AHCY: variants seen among roughly 807,000 people sequenced by gnomAD.
The protein encoded by AHCY is adenosylhomocysteinase, also known as S-adenosyl-L-homocysteine hydrolase.
AHCY carries 24 observed loss-of-function variants against 45.4 expected under a neutral mutation model. The observed-to-expected ratio is 0.53, with a 90% CI of 0.38 to 0.74. AHCY has a LOEUF of 0.74. Among genes scored for constraint, AHCY ranks in the 30% least tolerant of loss-of-function variants. The pLI is 0.00. For synonymous variants in AHCY, 245 were observed against 235.1 expected (o/e 1.04, Z -0.39); for missense variants, 449 against 594.1 (o/e 0.76, Z 2.54).
the AHCY span, among the ~76,000 whole-genome samples, chr20:34,270,577 G>A: frequency 2.6e-5 from 4 of 152,332 alleles, no homozygotes; most frequent in Admixed American, 6.5e-5. Context: ...AGACTCAGTC[G>A]ATTAGTAACA....
At chr20:34,288,999 T>A (rs2122748275) in intron 8 of AHCY, among the ~76,000 whole-genome samples, 1 of 152,218 alleles carries the variant, frequency 6.6e-6, no homozygotes, top group Non-Finnish European at 1.5e-5. Context: ...CCCTTTTTGT[T>A]TTTTGTTTTT....
chr20:34,263,429 G>A, the AHCY span, among the ~76,000 whole-genome samples: 1 of 152,006 alleles, frequency 6.6e-6, no homozygotes, highest in African/African-American at 2.4e-5. Flanking sequence ...GCCAGGCGTG[G>A]TGGTGGGCGC....
intron 3 of AHCY, 115 bp downstream of exon 3, chr20:34,293,966 G>T (rs566011101): frequency 9.5e-7 from 1 of 1,051,452 alleles, no homozygotes. Flanking sequence ...ATTTTGTGGC[G>T]GTGACTCCTC....
chr20:34,296,553 G>A (rs1227053613), intron 1 of AHCY, among the ~76,000 whole-genome samples: 2 of 152,140 alleles, frequency 1.3e-5, no homozygotes, highest in South Asian at 4.1e-4. Flanking sequence ...TTCTCAGGCA[G>A]GAAAGAAGGA....
chr20:34,303,225 G>C lies in AHCY; in HGVS notation c.28+18C>G, dbSNP rs890983686. 11 of 1,551,316 alleles carry C rather than the reference G, an allele frequency of 7.1e-6. No individual in the cohort carries two copies. Among genetic ancestry groups the C allele is most frequent in the Non-Finnish European group, 8.7e-6 (10 of 1,146,850 alleles). On this transcript the variant is annotated intron_variant, in intron 1 of 9. Transcript: ENST00000217426. ...GGGTGCCGGGCGGCCGCAACCGGCT[G>C]CAGGTCCTGGGACTCACCGACTTTG... is the stretch of plus-strand genomic sequence containing the variant.
chr20:34,295,522 C>G lies in AHCY; in HGVS notation c.92G>C (p.Gly31Ala). The change falls in exon 2 of 10, where the codon GGC becomes GCC. Residue 31 changes from glycine to alanine, a missense_variant. Transcript: ENST00000217426. Reference protein sequence around the residue: ...ALDIAENEMPGLMRMRERYSA... With the variant: ...ALDIAENEMPALMRMRERYSA... ...GTACCGCTCCCGCATACGCATCAGGCCCGGCATCTCGTTCTCAGCAATGTC... is the reference window on the plus strand; with the variant it reads ...GTACCGCTCCCGCATACGCATCAGGGCCGGCATCTCGTTCTCAGCAATGTC... 1 of 1,614,132 alleles carries G rather than the reference C, an allele frequency of 6.2e-7. No homozygotes were observed. The highest frequency in any genetic ancestry group is 8.5e-7 in the Non-Finnish European group (1 of 1,180,022).
the AHCY span, among the ~76,000 whole-genome samples, chr20:34,262,472 TC>T: frequency 2.0e-5 from 3 of 152,128 alleles, no homozygotes; most frequent in Non-Finnish European, 4.4e-5. Flanking sequence ...ATCACAATGT[TC>T]CTGTGCCTGC....
chr20:34,258,844 T>C, the AHCY span, among the ~76,000 whole-genome samples: 3 of 122,656 alleles, frequency 2.4e-5, no homozygotes, highest in Non-Finnish European at 5.0e-5. Context: ...ATATATATAG[T>C]GTATATATAA....
chr20:34,281,489 T>C (rs17091698), intron 9 of AHCY: 19,320 of 384,024 alleles, frequency 0.05, 3,408 homozygotes, highest in African/African-American at 0.37. Context: ...ATATTTTCCA[T>C]GACAGGCAGA....
chr20:34,285,740 C>T (rs572000535), intron 8 of AHCY, 106 bp from the exon 9 acceptor site: 20 of 1,234,372 alleles, frequency 1.6e-5, no homozygotes, highest in Admixed American at 1.5e-4. Context: ...ATGAGGAGTC[C>T]GAACTGCTCC....
chr20:34,298,292 A>C (rs2036638589), intron 1 of AHCY, among the ~76,000 whole-genome samples: 1 of 152,190 alleles, frequency 6.6e-6, no homozygotes, highest in South Asian at 2.1e-4. Context: ...ATTATATATG[A>C]ATATCATTAA....
At chr20:34,257,332 G>A in the AHCY span, among the ~76,000 whole-genome samples, 2 of 151,940 alleles carry the variant, frequency 1.3e-5, no homozygotes, top group South Asian at 2.1e-4. Flanking sequence ...TGATCCATTC[G>A]CTTCAGCCTC....
intron 2 of AHCY, 85 bp from the exon 3 acceptor site, chr20:34,294,241 G>C: frequency 1.6e-6 from 2 of 1,236,516 alleles, no homozygotes; most frequent in South Asian, 1.3e-5. Context: ...GGAGAGCTTC[G>C]GGTAGTGGGG....
At chr20:34,287,697 G>C (rs1025696929) in intron 8 of AHCY, among the ~76,000 whole-genome samples, 1 of 151,992 alleles carries the variant, frequency 6.6e-6, no homozygotes, top group Non-Finnish European at 1.5e-5. Context: ...TGGCCAGAAG[G>C]GGGTCTCTTG....
chr20:34,260,118 G>A, the AHCY span, among the ~76,000 whole-genome samples: 1 of 151,316 alleles, frequency 6.6e-6, no homozygotes, highest in South Asian at 2.1e-4. Context: ...GCAATGCATT[G>A]CTTTTTCTCT....
the AHCY span, among the ~76,000 whole-genome samples, chr20:34,268,424 A>G: frequency 6.6e-6 from 1 of 152,178 alleles, no homozygotes; most frequent in Non-Finnish European, 1.5e-5. Context: ...AAGTTCAAAG[A>G]GAAACCACTT....
the AHCY span, among the ~76,000 whole-genome samples, chr20:34,247,473 G>T: frequency 6.6e-6 from 1 of 151,446 alleles, no homozygotes; most frequent in Admixed American, 6.6e-5. Context: ...GCTAATTTTT[G>T]TATTTTTGTA....
intron 9 of AHCY, among the ~76,000 whole-genome samples, chr20:34,283,983 G>C (rs144526699): frequency 6.6e-6 from 1 of 151,812 alleles, no homozygotes; most frequent in Non-Finnish European, 1.5e-5. Flanking sequence ...CAGGGTAAGG[G>C]ACAAAGCAAA....
chr20:34,291,376 C>T, intron 5 of AHCY, 43 bp downstream of exon 5: 2 of 1,552,494 alleles, frequency 1.3e-6, no homozygotes, highest in Non-Finnish European at 8.9e-7. Flanking sequence ...TCGTCCTGAG[C>T]TGCAGCCACT....
Sources: gnomAD v4.1 joint callset for allele counts (sites outside exome capture counted in the v4.1 genomes callset) on GRCh38, gnomAD v4.1.1 for gene constraint, MANE v1.5 for transcripts, NCBI Gene and HGNC (gene_info 2026-07-23, HGNC 2026-07-21) for gene names.